Variants in PDE3B observed in about 807,000 individuals in gnomAD.
PDE3B encodes the protein cGMP-inhibited 3',5'-cyclic phosphodiesterase 3B.
A neutral mutation model predicts 116.8 loss-of-function variants in PDE3B; 66 were observed. That is an observed-to-expected ratio of 0.56 (90% CI 0.46 to 0.69). PDE3B has a LOEUF of 0.69. PDE3B is among the 30% of genes least tolerant of loss of function. The pLI is 0.00. For missense variants in PDE3B, 1,384 were observed against 1,368.1 expected, an observed-to-expected ratio of 1.01 and a Z score of -0.18; for synonymous variants, 595 against 533.6, an observed-to-expected ratio of 1.12 and a Z score of -1.59.
At chr11:14,688,551 T>C (rs1176951033) in intron 1 of PDE3B, among the ~76,000 whole-genome samples, 1 of 152,208 alleles carries the variant, frequency 6.6e-6, no homozygotes, top group Non-Finnish European at 1.5e-5. Flanking sequence ...TGTGTAAACT[T>C]TAAGATATGT....
chr11:14,728,483 T>C (rs1188424405), intron 1 of PDE3B, among the ~76,000 whole-genome samples: 1 of 152,128 alleles, frequency 6.6e-6, no homozygotes, highest in East Asian at 1.9e-4. Flanking sequence ...GTACATTTTA[T>C]GTTCTAGGCA....
intron 2 of PDE3B, chr11:14,772,904 T>A (rs1020081912): frequency 5.9e-5 from 9 of 152,000 alleles, no homozygotes; most frequent in Non-Finnish European, 1.0e-4. Context: ...ACAAAAATGT[T>A]ATCTATGAAT....
chr11:14,820,147 T>C (rs959778494), intron 7 of PDE3B, among the ~76,000 whole-genome samples: 4 of 152,024 alleles, frequency 2.6e-5, no homozygotes, highest in African/African-American at 9.7e-5. Context: ...TAAAGGATTG[T>C]TAACAAATAA....
intron 14 of PDE3B, among the ~76,000 whole-genome samples, chr11:14,864,446 G>A (rs1848007228): frequency 6.6e-6 from 1 of 152,174 alleles, no homozygotes; most frequent in Admixed American, 6.5e-5. Context: ...TCTGGACCAA[G>A]TGGACCTAAT....
chr11:14,816,857 A>G (rs764842996), intron 5 of PDE3B, among the ~76,000 whole-genome samples: 10 of 152,232 alleles, frequency 6.6e-5, no homozygotes, highest in Non-Finnish European at 1.0e-4. Flanking sequence ...AACTAGTTCA[A>G]CCATTGTGGA....
chr11:14,703,384 T>C (rs1779033768), intron 1 of PDE3B, among the ~76,000 whole-genome samples: 1 of 151,508 alleles, frequency 6.6e-6, no homozygotes, highest in African/African-American at 2.4e-5. Context: ...CATATAGTGC[T>C]GGGATAAATT....
chr11:14,672,604 A>G (rs574617638), intron 1 of PDE3B, among the ~76,000 whole-genome samples: 1 of 152,270 alleles, frequency 6.6e-6, no homozygotes, highest in Non-Finnish European at 1.5e-5. Context: ...TCATATAACA[A>G]CAGGTCACAC....
chr11:14,829,917 A>T (rs1438404661), intron 7 of PDE3B, among the ~76,000 whole-genome samples: 2 of 152,122 alleles, frequency 1.3e-5, no homozygotes, highest in Non-Finnish European at 2.9e-5. Context: ...CCTTCCAATC[A>T]TATGCCCCAA....
At chr11:14,758,651 T>C (rs1193344191) in intron 1 of PDE3B, among the ~76,000 whole-genome samples, 2 of 147,474 alleles carry the variant, frequency 1.4e-5, no homozygotes, top group East Asian at 2.0e-4. Context: ...TGTACATTGA[T>C]TTTGTATCCT....
chr11:14,673,833 T>C (rs1590052066), intron 1 of PDE3B: 1 of 1,092,436 alleles, frequency 9.2e-7, no homozygotes. Context: ...TTCGGCATAC[T>C]GTGGTCTCTC....
At chr11:14,803,862 T>C in intron 4 of PDE3B, 82 bp from the exon 5 acceptor site, 1 of 790,674 alleles carries the variant, frequency 1.3e-6, no homozygotes, top group Non-Finnish European at 2.2e-6. Context: ...ATATATTTGC[T>C]AATTAAATTG....
chr11:14,652,596 G>T (rs1011451209), intron 1 of PDE3B, among the ~76,000 whole-genome samples: 1 of 152,128 alleles, frequency 6.6e-6, no homozygotes, highest in Non-Finnish European at 1.5e-5. Context: ...GTACAGTTCA[G>T]TGGTGTTAAG....
chr11:14,754,690 A>G (rs1410430322), intron 1 of PDE3B, among the ~76,000 whole-genome samples: 1 of 152,130 alleles, frequency 6.6e-6, no homozygotes, highest in East Asian at 1.9e-4. Flanking sequence ...GGATCGCTTG[A>G]GCCCAGGAGT....
chr11:14,762,184 G>A (rs1272383070), intron 1 of PDE3B, among the ~76,000 whole-genome samples: 1 of 150,708 alleles, frequency 6.6e-6, no homozygotes, highest in Non-Finnish European at 1.5e-5. Context: ...GGATCTCACT[G>A]TATTGCCCAG....
At chr11:14,803,526 G>A (rs1657213942) in intron 4 of PDE3B, among the ~76,000 whole-genome samples, 1 of 152,116 alleles carries the variant, frequency 6.6e-6, no homozygotes, top group Non-Finnish European at 1.5e-5. Flanking sequence ...AGAAACCTTG[G>A]GGACGAGACC....
At chr11:14,841,181 G>C (rs1413986762) in intron 11 of PDE3B, among the ~76,000 whole-genome samples, 1 of 151,782 alleles carries the variant, frequency 6.6e-6, no homozygotes, top group African/African-American at 2.4e-5. Context: ...TGAGCAAACA[G>C]GAATTCCACC....
intron 1 of PDE3B, among the ~76,000 whole-genome samples, chr11:14,682,862 A>G (rs977306879): frequency 6.8e-5 from 10 of 146,032 alleles, no homozygotes; most frequent in South Asian, 4.4e-4. Flanking sequence ...TCCCTCCTCT[A>G]TTTTCAGAAA....
intron 1 of PDE3B, among the ~76,000 whole-genome samples, chr11:14,762,428 T>C (rs1857387284): frequency 6.6e-6 from 1 of 152,216 alleles, no homozygotes; most frequent in Admixed American, 6.6e-5. Flanking sequence ...AAAAGGAAGA[T>C]GCAGGGGAAT....
chr11:14,821,502 T>C (rs1251300950), intron 7 of PDE3B, among the ~76,000 whole-genome samples: 1 of 152,034 alleles, frequency 6.6e-6, no homozygotes, highest in African/African-American at 2.4e-5. Flanking sequence ...TTATTAGGAG[T>C]TCATATCATT....
Sources: gnomAD v4.1 joint callset for allele counts (sites outside exome capture counted in the v4.1 genomes callset) on GRCh38, gnomAD v4.1.1 for gene constraint, MANE v1.5 for transcripts, NCBI Gene and HGNC (gene_info 2026-07-23, HGNC 2026-07-21) for gene names.